The following IRS2 variants were observed in gnomAD, a reference collection of about 807,000 sequenced individuals.
IRS2 encodes insulin receptor substrate 2.
A neutral mutation model predicts 70.9 loss-of-function variants in IRS2; 28 were observed. That is an observed-to-expected ratio of 0.39 (90% CI 0.29 to 0.54). IRS2 has a LOEUF of 0.54. IRS2 is among the 20% of genes least tolerant of loss of function. The pLI is 0.59. For synonymous variants in IRS2, 1,217 were observed against 981.9 expected (o/e 1.24, Z -4.48); for missense variants, 2,081 against 2,024.1 (o/e 1.03, Z -0.54).
rs532810290 is a variant in IRS2, at chr13:109,785,969, GGTT to G, written c.82_84del (p.Asn28del). The G allele has an allele frequency of 6.4e-4, 950 of 1,486,140 alleles. No individual in the cohort carries two copies. Among genetic ancestry groups the G allele is most frequent in the South Asian group, 1.4e-3 (107 of 78,520 alleles). 92.1% of individuals were successfully genotyped at this position (1,486,140 alleles called of 1,614,324 possible). ...AGGTAGCCGCACTTGCGCACGCTGTGGTTGTTGTTGTTGTTGTTGTTGTTGAGG... is the reference window on the plus strand; with the variant it reads ...AGGTAGCCGCACTTGCGCACGCTGTGGTTGTTGTTGTTGTTGTTGTTGAGG... On this transcript the variant is annotated inframe_deletion, in exon 1 of 2. Transcript: ENST00000375856. The surrounding 1 kb of genome is among the most constrained non-coding windows in gnomAD (Gnocchi z 9.3).
Position 109,782,861 on chromosome 13 carries a change from C to T in IRS2, c.3193G>A (p.Asp1065Asn). The part of the protein sequence containing the change: ...GPGAASSLSS[D>N]TGDNGDYTEM... ...GTGTAGTCACCATTGTCCCCGGTGTCCGAGGACAACGATGAGGCGGCGCCC... is the reference window on the plus strand; with the variant it reads ...GTGTAGTCACCATTGTCCCCGGTGTTCGAGGACAACGATGAGGCGGCGCCC... The change falls in exon 1 of 2, where the codon GAC becomes AAC. Residue 1065 changes from aspartate (D) to asparagine (N), a missense_variant. By Grantham distance (23) the Asp-to-Asn change is conservative. Transcript: ENST00000375856. 6.3e-7 allele frequency: 1 copy of T among 1,577,850 alleles called. No individual in the cohort carries two copies. The highest frequency in any genetic ancestry group is 8.6e-7 in the Non-Finnish European group (1 of 1,162,778).
rs2138937164 is a variant in IRS2, at chr13:109,784,967, T to G, written c.1087A>C (p.Thr363Pro). ...GCGCCGCCGTCGCCCTCGCTGGCGG[T>G]GCGCACCCGGCACGAGCTGCACTTG... is the stretch of plus-strand genomic sequence containing the variant. ...AAKCSSCRVRTASEGDGGAAA... is the reference protein window; with the variant it reads ...AAKCSSCRVRPASEGDGGAAA... Residue 363 changes from threonine (T) to proline (P), a missense_variant, in exon 1 of 2, where the codon ACC (threonine) becomes CCC (proline). By Grantham distance (38) the Thr-to-Pro change is conservative (BLOSUM62 -1). This residue lies in a region of IRS2 where 111 missense variants were observed against 133.1 expected (regional missense o/e 0.83). Coordinates refer to ENST00000375856, the MANE Select transcript of IRS2 (RefSeq NM_003749.3). This position sits in a 1 kb window ranked among gnomAD's most constrained non-coding sequence, Gnocchi z 5.2. 1 of 1,219,388 alleles carries G rather than the reference T, an allele frequency of 8.2e-7. No individual in the cohort carries two copies. The highest frequency in any genetic ancestry group is 3.3e-5 in the East Asian group (1 of 30,058). The allele number at this position is 1,219,388 out of a possible 1,614,324, so 75.5% of individuals were successfully genotyped here. A position where few individuals can be genotyped will look rare whatever the true frequency, so the allele number is the denominator to read the frequency against.
rs768193214 is a variant in IRS2, at chr13:109,754,406, G to A, written c.*1898C>T. ...CGGATAGAGGGCGAGTTAAATATGC[G>A]TCAATACACTGCTTTCAGCAGGGTC... On this transcript the variant is annotated 3_prime_UTR_variant, in exon 2 of 2. Transcript: ENST00000375856. 1 of 209,624 alleles carries A rather than the reference G, an allele frequency of 4.8e-6. No homozygotes were observed. The highest frequency in any genetic ancestry group is 9.7e-6 in the Non-Finnish European group (1 of 103,236). The allele number at this position is 209,624 out of a possible 1,614,324, so 13.0% of individuals were successfully genotyped here.
At chr13:109,760,173 A>G (rs115086953) in intron 1 of IRS2, among the ~76,000 whole-genome samples, 2,398 of 152,330 alleles carry the variant, frequency 0.016, 59 homozygotes, top group African/African-American at 0.054. Context: ...ATTTTAGTAG[A>G]AGCAAAGAAT....
chr13:109,783,628 G>C lies in IRS2; in HGVS notation c.2426C>G (p.Ser809Cys). ...PGCCYSSLPRSYKAPYTCGGD... is the reference protein window; with the variant it reads ...PGCCYSSLPRCYKAPYTCGGD... ...GCCACAGGTGTAGGGGGCCTTGTAG[G>C]AGCGGGGCAAGGAGCTGTAGCAGCA... The change falls in exon 1 of 2, where the codon TCC (serine) becomes TGC (cysteine). Residue 809 changes from serine (S) to cysteine (C), a missense_variant. Physicochemically the swap from Ser to Cys is moderately radical, Grantham distance 112. Coordinates refer to ENST00000375856, the MANE Select transcript of IRS2 (RefSeq NM_003749.3). 1 of 1,550,226 alleles carries C rather than the reference G, an allele frequency of 6.5e-7. No homozygotes were observed. Among genetic ancestry groups the C allele is most frequent in the Non-Finnish European group, 8.7e-7 (1 of 1,145,788 alleles).
In IRS2 at chr13:109,753,875, G is replaced by T; in HGVS notation, c.*2429C>A. ...TAATGTACTTTATTTTATTGCATAT[G>T]GCTATTAAGGAGGGCATCCATGATC... On this transcript the variant is annotated 3_prime_UTR_variant, in exon 2 of 2. Transcript: ENST00000375856. 1 of 228,856 alleles carries T rather than the reference G, an allele frequency of 4.4e-6. No homozygotes were observed. The highest frequency in any genetic ancestry group is 8.7e-6 in the Non-Finnish European group (1 of 115,140). The allele number at this position is 228,856 out of a possible 1,614,324, so 14.2% of individuals were successfully genotyped here.
chr13:109,771,512 T>C (rs535831450), intron 1 of IRS2, among the ~76,000 whole-genome samples: 16 of 152,246 alleles, frequency 1.1e-4, no homozygotes, highest in Non-Finnish European at 2.2e-4. Flanking sequence ...AGATGTCTAC[T>C]TGACAACATA....
Position 109,783,127 on chromosome 13 carries a change from G to T in IRS2, c.2927C>A (p.Ser976Tyr), listed in dbSNP as rs759366944. 1.2e-5 allele frequency: 17 copies of T among 1,387,904 alleles called. No homozygotes were observed. The highest frequency in any genetic ancestry group is 1.6e-5 in the Non-Finnish European group (17 of 1,077,880). The allele number at this position is 1,387,904 out of a possible 1,614,324, so 86.0% of individuals were successfully genotyped here. Residue 976 changes from serine (S) to tyrosine (Y), a missense_variant, in exon 1 of 2, where the codon TCC (serine) becomes TAC (tyrosine). This residue lies in a region of IRS2 where 1,615 missense variants were observed against 1,459.5 expected (regional missense o/e 1.11). Coordinates refer to ENST00000375856, the MANE Select transcript of IRS2 (RefSeq NM_003749.3). ...SSDSRQRSPL[S>Y]DYMNLDFSSP... ...GCTGAAGTCGAGGTTCATGTAGTCG[G>T]AGAGCGGAGACCGCTGCCGGCTGTC... is the stretch of plus-strand genomic sequence containing the variant.
intron 1 of IRS2, among the ~76,000 whole-genome samples, chr13:109,768,589 G>C (rs1877385407): frequency 6.7e-6 from 1 of 150,314 alleles, no homozygotes. Flanking sequence ...GAGTGAAATT[G>C]ATTTGTTTGA....
chr13:109,785,063 G>A lies in IRS2; in HGVS notation c.991C>T (p.Leu331=), dbSNP rs1350930353. 3.8e-6 allele frequency: 6 copies of A among 1,567,358 alleles called. No homozygotes were observed. The highest frequency in any genetic ancestry group is 4.3e-6 in the Non-Finnish European group (5 of 1,158,062). ...ACCAGGCCCGTCTGGCTGGGGGGCA[G>A]GTTGACCAGGTGGTGGTGGCGGCGC... is the stretch of plus-strand genomic sequence containing the variant. ...GARRHHHLVN[L]PPSQTGLVRR... The change falls in exon 1 of 2, where the codon CTG becomes TTG. Residue 331 remains leucine, a synonymous_variant. Coordinates refer to ENST00000375856, the MANE Select transcript of IRS2 (RefSeq NM_003749.3). This position sits in a 1 kb window ranked among gnomAD's most constrained non-coding sequence, Gnocchi z 9.3.
chr13:109,769,074 G>A (rs1019261300), intron 1 of IRS2, among the ~76,000 whole-genome samples: 6 of 152,174 alleles, frequency 3.9e-5, no homozygotes, highest in South Asian at 2.1e-4. Flanking sequence ...CTGTAAGCAC[G>A]TCCCAGTAGT....
intron 1 of IRS2, among the ~76,000 whole-genome samples, chr13:109,777,207 A>C (rs1382608411): frequency 6.6e-6 from 1 of 152,112 alleles, no homozygotes; most frequent in Non-Finnish European, 1.5e-5. Context: ...ATTTTCCCTT[A>C]AGTTTATAAG....
chr13:109,784,757 TG>T lies in IRS2; in HGVS notation c.1296del (p.Met433CysfsTer111). 1 of 1,239,512 alleles carries T rather than the reference TG, an allele frequency of 8.1e-7. No individual in the cohort carries two copies. Among genetic ancestry groups the T allele is most frequent in the Non-Finnish European group, 1.0e-6 (1 of 991,946 alleles). The allele number at this position is 1,239,512 out of a possible 1,614,324, so 76.8% of individuals were successfully genotyped here. A position where few individuals can be genotyped will look rare whatever the true frequency, so the allele number is the denominator to read the frequency against. On this transcript the variant is annotated frameshift_variant, in exon 1 of 2. Coordinates refer to ENST00000375856, the MANE Select transcript of IRS2 (RefSeq NM_003749.3). LOFTEE classifies it high-confidence loss of function. This position sits in a 1 kb window ranked among gnomAD's most constrained non-coding sequence, Gnocchi z 5.2. ...GCGGGCGGCGAGTGCGCCACGGGCA[TG>T]GACATGGAGCGGCTGTGTTGCAGCG... ...GGALQHSRSMSMPVAHSPPAA... is the reference protein window; with the variant it reads ...GGALQHSRSMXMPVAHSPPAA...
At chr13:109,758,653 T>C (rs1026002534) in intron 1 of IRS2, among the ~76,000 whole-genome samples, 1 of 152,124 alleles carries the variant, frequency 6.6e-6, no homozygotes, top group Non-Finnish European at 1.5e-5. Context: ...GGAAGTAGAA[T>C]ACAGTTATCA....
At position 109,783,707 on chromosome 13, in the gene IRS2, A is replaced by T. The variant is rs775734988; in HGVS notation, c.2347T>A (p.Phe783Ile). 1 of 1,569,100 alleles carries T rather than the reference A, an allele frequency of 6.4e-7. No homozygotes were observed. Among genetic ancestry groups the T allele is most frequent in the Admixed American group, 1.9e-5 (1 of 53,858 alleles). ...DAVTTGTPPD[F>I]FSAALHPGGE... ...CCGGGGTGCAGGGCTGCGGAGAAGA[A>T]GTCGGGCGGGGTGCCCGTGGTGACC... Residue 783 changes from phenylalanine to isoleucine, a missense_variant, in exon 1 of 2, where the codon TTC (phenylalanine) becomes ATC (isoleucine). Physicochemically the swap from Phe to Ile is conservative, Grantham distance 21. This residue lies in a region of IRS2 where 1,615 missense variants were observed against 1,459.5 expected (regional missense o/e 1.11). Coordinates refer to ENST00000375856, the MANE Select transcript of IRS2 (RefSeq NM_003749.3).
intron 1 of IRS2, among the ~76,000 whole-genome samples, chr13:109,763,316 C>T (rs1356722113): frequency 6.6e-6 from 1 of 152,210 alleles, no homozygotes; most frequent in African/African-American, 2.4e-5. Context: ...ATACTATCTA[C>T]TAAAAACCAC....
chr13:109,761,964 C>G (rs2138912848), intron 1 of IRS2, among the ~76,000 whole-genome samples: 1 of 152,304 alleles, frequency 6.6e-6, no homozygotes, highest in South Asian at 2.1e-4. Context: ...CCCCCTTTAA[C>G]TCCTGTTTAA....
At chr13:109,759,865 A>AC (rs1406554063) in intron 1 of IRS2, among the ~76,000 whole-genome samples, 1 of 152,120 alleles carries the variant, frequency 6.6e-6, no homozygotes, top group Non-Finnish European at 1.5e-5. Context: ...CCTGACAGCC[A>AC]CCCACTCATC....
intron 1 of IRS2, 78 bp from the exon 2 acceptor site, chr13:109,756,386 C>G: frequency 8.2e-7 from 1 of 1,220,236 alleles, no homozygotes; most frequent in Non-Finnish European, 1.2e-6. Context: ...AAGGGCCCCT[C>G]TAACCCACAG....
Sources: allele counts gnomAD v4.1 joint callset (sites outside exome capture counted in the v4.1 genomes callset), GRCh38; gene constraint gnomAD v4.1.1; regional missense constraint gnomAD v4.1.1; non-coding constraint Gnocchi (gnomAD v3.1); transcripts MANE v1.5; gene names NCBI Gene and HGNC (gene_info 2026-07-23, HGNC 2026-07-21).